CUEDC1: variants seen among roughly 807,000 people sequenced by gnomAD.
CUEDC1 encodes the protein CUE domain containing 1, also known as CUE domain-containing protein 1.
In CUEDC1, 30 loss-of-function variants were observed where a neutral mutation model predicts 43.7. The ratio of observed to expected loss-of-function variants is 0.69; its 90% CI spans 0.51 to 0.93. The LOEUF (loss-of-function observed/expected upper bound fraction) is 0.93, where lower values mean the gene tolerates loss of function less well. Ranked by LOEUF, CUEDC1 falls within the 40% of genes least tolerant of loss-of-function variation. The pLI, the probability that CUEDC1 is intolerant of heterozygous loss-of-function variation, is 0.00. For missense variants in CUEDC1, 486 were observed against 549.0 expected, an observed-to-expected ratio of 0.89 and a Z score of 1.15; for synonymous variants, 223 against 223.6, an observed-to-expected ratio of 1.00 and a Z score of 0.02.
At chr17:57,912,156 A>G (rs183081911) in intron 1 of CUEDC1, among the ~76,000 whole-genome samples, 97 of 152,268 alleles carry the variant, frequency 6.4e-4, no homozygotes, top group Non-Finnish European at 1.3e-3. Context: ...CGCTACACAC[A>G]CACAACCTTG....
At chr17:57,878,351 C>T (rs2074155902) in intron 3 of CUEDC1, among the ~76,000 whole-genome samples, 1 of 152,154 alleles carries the variant, frequency 6.6e-6, no homozygotes, top group South Asian at 2.1e-4. Flanking sequence ...AGGTAAAGAA[C>T]CTGCTCCGTT....
rs2073887376 is a variant in CUEDC1 at position 57,862,099 on chromosome 17, GAGCCGCGCCGA to G, written c.*1179_*1189del. On this transcript the variant is annotated 3_prime_UTR_variant, in exon 11 of 11. Transcript: ENST00000577830. ...ATCGGATGCCACTCCCAACCTCCCA[GAGCCGCGCCGA>G]AGCCTCGTGCCTGCCCAGGCTTCCC... 6.6e-6 allele frequency: 1 copy of G among 152,042 alleles called. No individual in the cohort carries two copies. Among genetic ancestry groups the G allele is most frequent in the South Asian group, 2.1e-4 (1 of 4,830 alleles). 9.4% of individuals were successfully genotyped at this position (152,042 alleles called of 1,614,324 possible).
In CUEDC1 at chr17:57,913,829, C is replaced by T. The variant is rs557475093; in HGVS notation, c.-315-27950G>A. 4.6e-5 allele frequency among the ~76,000 whole-genome samples: 7 copies of T among 152,338 alleles called. No individual in the cohort carries two copies. In the South Asian group the frequency reaches 1.4e-3, roughly 32 times the overall value. On this transcript the variant is annotated intron_variant, in intron 1 of 10. Coordinates refer to ENST00000577830, the MANE Select transcript of CUEDC1 (RefSeq NM_001271875.2). ...CCAGCACCCCACCCCAGCATACTTT[C>T]CTGACCCTGGGTTCTAACTCCTTGG...
At chr17:57,920,969 T>C (rs1294414681) in intron 1 of CUEDC1, among the ~76,000 whole-genome samples, 1 of 152,180 alleles carries the variant, frequency 6.6e-6, no homozygotes, top group Non-Finnish European at 1.5e-5. Flanking sequence ...TAGTTGTATA[T>C]AGGTTATACA....
At chr17:57,948,815 TG>T (rs1237267207) in intron 1 of CUEDC1, among the ~76,000 whole-genome samples, 1 of 152,226 alleles carries the variant, frequency 6.6e-6, no homozygotes, top group Non-Finnish European at 1.5e-5. Context: ...TAAATTCATT[TG>T]CCTCTGGTTC....
Position 57,938,762 on chromosome 17 carries a change from G to A in CUEDC1, c.-316+16463C>T, listed in dbSNP as rs1003731602. Among the ~76,000 whole-genome samples the A allele has an allele frequency of 8.6e-5, 13 of 151,792 alleles. No individual in the cohort carries two copies. In the South Asian group the frequency reaches 2.3e-3, roughly 27 times the overall value. On this transcript the variant is annotated intron_variant, in intron 1 of 10. Transcript: ENST00000577830. ...AGCGCAACCTCTGCCTCCCGGGTTC[G>A]AGCGATTCTCCTGCCTCAGCCTCCT...
chr17:57,913,516 G>T (rs2074606005), intron 1 of CUEDC1, among the ~76,000 whole-genome samples: 1 of 152,062 alleles, frequency 6.6e-6, no homozygotes, highest in Non-Finnish European at 1.5e-5. Flanking sequence ...TACTGAATCA[G>T]AATTTCCTGA....
intron 10 of CUEDC1, 128 bp downstream of exon 10, chr17:57,866,346 C>T (rs1480842325): frequency 7.0e-6 from 5 of 717,034 alleles, no homozygotes; most frequent in South Asian, 1.8e-5. Context: ...AGGGAAGACA[C>T]GTGGGGCCTG....
At chr17:57,892,126 G>C (rs539252476) in intron 1 of CUEDC1, among the ~76,000 whole-genome samples, 1 of 152,214 alleles carries the variant, frequency 6.6e-6, no homozygotes, top group East Asian at 1.9e-4. Context: ...TGATGGGAGG[G>C]GGCCTTTTCA....
rs56137797 is a variant in CUEDC1, at chr17:57,932,281, C to CAAAAAAAA, written c.-316+22936_-316+22943dup. Among the ~76,000 whole-genome samples, 835 of 121,612 alleles carry CAAAAAAAA rather than the reference C, an allele frequency of 6.9e-3. 15 individuals are homozygous for CAAAAAAAA. The highest frequency in any genetic ancestry group is 8.8e-3 in the Non-Finnish European group (556 of 63,052). The allele number at this position is 121,612 out of a possible 152,430, so 79.8% of individuals were successfully genotyped here. ...TGGGCAACAAAGTGACACTGTGTCT[C>CAAAAAAAA]AAAAAAAAAAAAAAAAAAAAAAGGC... On this transcript the variant is annotated intron_variant, in intron 1 of 10. Transcript: ENST00000577830.
rs1255488589 is a variant in CUEDC1 at position 57,955,376 on chromosome 17, C to T, written c.-467G>A. On this transcript the variant is annotated 5_prime_UTR_variant, in exon 1 of 11. Coordinates refer to ENST00000577830, the MANE Select transcript of CUEDC1 (RefSeq NM_001271875.2). The surrounding 1 kb of genome is among the most constrained non-coding windows in gnomAD (Gnocchi z 5.3). ...GCGCGGGGAGGCGGAGAAAGTGAGG[C>T]GAGGCCGGCTTCCTAGCGGCGGGCG... The T allele has an allele frequency of 5.5e-4, 82 of 149,442 alleles. 1 individual carries two copies. The highest frequency in any genetic ancestry group is 3.4e-3 in the South Asian group (19 of 5,610). The allele number at this position is 149,442 out of a possible 1,614,324, so 9.3% of individuals were successfully genotyped here. A position where few individuals can be genotyped will look rare whatever the true frequency, so the allele number is the denominator to read the frequency against.
chr17:57,925,343 C>T (rs1330325916), intron 1 of CUEDC1, among the ~76,000 whole-genome samples: 1 of 152,120 alleles, frequency 6.6e-6, no homozygotes, highest in African/African-American at 2.4e-5. Context: ...CTCCAGGCAG[C>T]CCCGAGCAAT....
intron 1 of CUEDC1, among the ~76,000 whole-genome samples, chr17:57,899,960 C>T (rs2074454528): frequency 6.6e-6 from 1 of 152,132 alleles, no homozygotes; most frequent in Non-Finnish European, 1.5e-5. Context: ...CCATCTGCAC[C>T]CAGAATGGGT....
At chr17:57,952,943 A>G (rs1449134463) in intron 1 of CUEDC1, among the ~76,000 whole-genome samples, 2 of 152,082 alleles carry the variant, frequency 1.3e-5, no homozygotes, top group Non-Finnish European at 2.9e-5. Flanking sequence ...GTGAGCCAAG[A>G]AAGGAAAGGC....
intron 1 of CUEDC1, among the ~76,000 whole-genome samples, chr17:57,950,419 C>G (rs1046410289): frequency 6.6e-6 from 1 of 151,926 alleles, no homozygotes; most frequent in Admixed American, 6.6e-5. Flanking sequence ...TGCTAAAGTG[C>G]TAGGATTACA....
chr17:57,935,026 T>C (rs2074846908), intron 1 of CUEDC1, among the ~76,000 whole-genome samples: 1 of 152,110 alleles, frequency 6.6e-6, no homozygotes, highest in South Asian at 2.1e-4. Context: ...ATTTTTATAC[T>C]TGGGTTAAGC....
intron 1 of CUEDC1, among the ~76,000 whole-genome samples, chr17:57,894,115 A>AGGATT (rs2074385036): frequency 6.6e-6 from 1 of 152,132 alleles, no homozygotes; most frequent in Non-Finnish European, 1.5e-5. Flanking sequence ...AAACCAAACC[A>AGGATT]TGAGGATTTG....
chr17:57,899,597 C>T (rs2074449937), intron 1 of CUEDC1, among the ~76,000 whole-genome samples: 1 of 152,172 alleles, frequency 6.6e-6, no homozygotes, highest in East Asian at 1.9e-4. Flanking sequence ...GCACACAGCT[C>T]ACATGCCTGC....
chr17:57,897,392 C>T (rs1055275814), intron 1 of CUEDC1, among the ~76,000 whole-genome samples: 1 of 152,098 alleles, frequency 6.6e-6, no homozygotes, highest in Non-Finnish European at 1.5e-5. Flanking sequence ...TTTTTCTAGC[C>T]GGGCGCAGTG....
Sources: allele counts gnomAD v4.1 joint callset (sites outside exome capture counted in the v4.1 genomes callset), GRCh38; gene constraint gnomAD v4.1.1; non-coding constraint Gnocchi (gnomAD v3.1); transcripts MANE v1.5; gene names NCBI Gene and HGNC (gene_info 2026-07-23, HGNC 2026-07-21).